Variants in ADGRE3 observed in about 807,000 individuals in gnomAD.
ADGRE3 encodes adhesion G protein-coupled receptor E3.
A neutral mutation model predicts 80.1 loss-of-function variants in ADGRE3; 88 were observed. The ratio of observed to expected loss-of-function variants is 1.10; its 90% CI spans 0.93 to 1.31. The LOEUF is 1.31. ADGRE3 is among the 40% of genes most tolerant of loss of function. The pLI is 0.00. For missense variants in ADGRE3, 715 were observed against 776.5 expected (o/e 0.92, Z 0.94); for synonymous variants, 281 against 294.8 (o/e 0.95, Z 0.48).
intron 4 of ADGRE3, among the ~76,000 whole-genome samples, chr19:14,660,021 C>G (rs1327915401): frequency 6.6e-6 from 1 of 151,822 alleles, no homozygotes; most frequent in African/African-American, 2.4e-5. Flanking sequence ...GACTTACAAC[C>G]CTGAGTCTAG....
At chr19:14,603,878 C>T in the ADGRE3 span, among the ~76,000 whole-genome samples, 2 of 152,142 alleles carry the variant, frequency 1.3e-5, no homozygotes, top group Non-Finnish European at 2.9e-5. Context: ...CATATGAGTT[C>T]CCTCTTCTTA....
At chr19:14,617,941 T>C (rs970861796), downstream of ADGRE3, among the ~76,000 whole-genome samples, 13 of 152,144 alleles carry the variant, frequency 8.5e-5, no homozygotes, top group African/African-American at 1.2e-4. Context: ...AAATATCTTC[T>C]TAAATGTATT....
At position 14,619,932 on chromosome 19, in the gene ADGRE3, GGT is replaced by G. The variant is rs1331737084; in HGVS notation, c.1921-463_1921-462del. On this transcript the variant is annotated intron_variant, in intron 15 of 15. Coordinates refer to ENST00000253673, the MANE Select transcript of ADGRE3 (RefSeq NM_032571.5). The stretch of plus-strand genomic sequence containing the variant: ...CAACATCTCCTGAAGAAGCCTATGA[GGT>G]TAGTGCTTCCTAGCCTAGTTATAAG... Among the ~76,000 whole-genome samples the G allele has an allele frequency of 3.3e-5, 5 of 152,298 alleles. No individual in the cohort carries two copies. In the East Asian group the frequency reaches 9.6e-4, roughly 29 times the overall value.
At chr19:14,623,297 A>T (rs200785561) in intron 15 of ADGRE3, among the ~76,000 whole-genome samples, 15,077 of 123,886 alleles carry the variant, frequency 0.12, 4,971 homozygotes, top group East Asian at 0.35. Context: ...AAAAAAAAAA[A>T]ATAAAAAAAA....
At chr19:14,650,637 C>T (rs73007075) in intron 7 of ADGRE3, among the ~76,000 whole-genome samples, 2,520 of 15,832 alleles carry the variant, frequency 0.16, 109 homozygotes, top group South Asian at 0.3. Flanking sequence ...CCATCTCTCT[C>T]TCTCTCTCTC....
the ADGRE3 span, among the ~76,000 whole-genome samples, chr19:14,609,695 G>A: frequency 2.6e-5 from 4 of 151,854 alleles, no homozygotes; most frequent in Non-Finnish European, 4.4e-5. Context: ...AAAACTAGCC[G>A]GGTGTGGTGG....
chr19:14,620,429 AATAT>A (rs1302372746), intron 15 of ADGRE3, among the ~76,000 whole-genome samples: 8 of 141,674 alleles, frequency 5.6e-5, no homozygotes, highest in Non-Finnish European at 1.2e-4. Context: ...TGTATATATG[AATAT>A]ATATGTATAT....
chr19:14,663,610 C>A, intron 2 of ADGRE3, 70 bp from the exon 3 acceptor site: 2 of 1,519,554 alleles, frequency 1.3e-6, no homozygotes, highest in Non-Finnish European at 1.8e-6. Flanking sequence ...TAGGCCCTGC[C>A]TCTTGATCAC....
intron 13 of ADGRE3, 22 bp downstream of exon 13, chr19:14,632,899 A>AG (rs1568478781): frequency 1.3e-6 from 2 of 1,492,520 alleles, no homozygotes; most frequent in African/African-American, 1.4e-5. Flanking sequence ...GGGAATAGGA[A>AG]GTACCATTTG....
Position 14,658,568 on chromosome 19 carries a change from A to T in ADGRE3, c.356-18T>A, listed in dbSNP as rs552102537. 4 of 1,545,826 alleles carry T rather than the reference A, an allele frequency of 2.6e-6. No homozygotes were observed. The highest frequency in any genetic ancestry group is 2.8e-5 in the African/African-American group (2 of 71,106). ...GGTGGTGTCTGCAAAAGACATCATG[A>T]TGGAGTTACTATTGGAACTGAGAGT... On this transcript the variant is annotated intron_variant, in intron 4 of 15. Transcript: ENST00000253673.
intron 11 of ADGRE3, among the ~76,000 whole-genome samples, chr19:14,633,835 G>T (rs1362039111): frequency 7.2e-6 from 1 of 139,302 alleles, no homozygotes; most frequent in Non-Finnish European, 1.5e-5. Flanking sequence ...GGAGTGCAGT[G>T]GTGCGATCTC....
chr19:14,621,367 A>C (rs1970603264), intron 15 of ADGRE3, among the ~76,000 whole-genome samples: 1 of 151,874 alleles, frequency 6.6e-6, no homozygotes, highest in South Asian at 2.1e-4. Context: ...AGGCAGGAGA[A>C]TCGCTTGAAC....
At chr19:14,636,081 C>CTTTCTTT (rs1555755785) in intron 11 of ADGRE3, among the ~76,000 whole-genome samples, 6 of 24,678 alleles carry the variant, frequency 2.4e-4, no homozygotes, top group Non-Finnish European at 4.1e-4. Flanking sequence ...CTTTCCTTTC[C>CTTTCTTT]CTTTCTTTCT....
chr19:14,617,322 T>TTGCCTCCC (rs2075081147), downstream of ADGRE3, among the ~76,000 whole-genome samples: 1 of 77,814 alleles, frequency 1.3e-5, no homozygotes, highest in Admixed American at 1.5e-4. Flanking sequence ...TTCCCCTTGC[T>TTGCCTCCC]TCCCTCCCTC....
downstream of ADGRE3, among the ~76,000 whole-genome samples, chr19:14,618,585 G>A (rs964388669): frequency 4.0e-5 from 6 of 151,054 alleles, no homozygotes; most frequent in Admixed American, 6.6e-5. Context: ...GGCCGGGCAC[G>A]GTGGCTCATG....
At position 14,641,537 on chromosome 19, in the gene ADGRE3, G is replaced by T. The variant is rs1971246469; in HGVS notation, c.1130C>A (p.Thr377Asn). The T allele has an allele frequency of 6.2e-7, 1 of 1,613,814 alleles. No homozygotes were observed. The highest frequency in any genetic ancestry group is 1.7e-5 in the Admixed American group (1 of 59,976). Residue 377 changes from threonine to asparagine, a missense_variant, in exon 10 of 16, where the codon ACT becomes AAT. Physicochemically the swap from Thr to Asn is moderately conservative, Grantham distance 65 (BLOSUM62 0). Coordinates refer to ENST00000253673, the MANE Select transcript of ADGRE3 (RefSeq NM_032571.5). ...CCGGATGGCTTTACACAGGAGAAAA[G>T]TGAGGGCCGCCAGGAGGAGGCACAG... Reference protein sequence around the residue: ...SLLCLLLAALTFLLCKAIRNT... With the variant: ...SLLCLLLAALNFLLCKAIRNT...
At chr19:14,632,349 G>C (rs1259428780) in intron 13 of ADGRE3, among the ~76,000 whole-genome samples, 1 of 152,164 alleles carries the variant, frequency 6.6e-6, no homozygotes, top group Non-Finnish European at 1.5e-5. Context: ...TAGTGTGGCA[G>C]AAACGAATGT....
intron 10 of ADGRE3, 94 bp from the exon 11 acceptor site, chr19:14,638,434 T>TGACATCA (rs1220167789): frequency 4.7e-6 from 4 of 859,444 alleles, no homozygotes; most frequent in Non-Finnish European, 7.5e-6. Flanking sequence ...TCAGAGCACC[T>TGACATCA]GACATCAGAC....
At chr19:14,655,707 C>T (rs1024030882) in intron 5 of ADGRE3, among the ~76,000 whole-genome samples, 3 of 152,006 alleles carry the variant, frequency 2.0e-5, no homozygotes, top group Non-Finnish European at 4.4e-5. Flanking sequence ...AACGATTCTC[C>T]TGCCTTGGCC....
Sources: gnomAD v4.1 joint callset for allele counts (sites outside exome capture counted in the v4.1 genomes callset) on GRCh38, gnomAD v4.1.1 for gene constraint, MANE v1.5 for transcripts, NCBI Gene and HGNC (gene_info 2026-07-23, HGNC 2026-07-21) for gene names.